The following EFCAB10 variants were observed in gnomAD, a reference collection of about 807,000 sequenced individuals.
EFCAB10 encodes EF-hand calcium binding domain 10.
A neutral mutation model predicts 7.7 loss-of-function variants in EFCAB10; 7 were observed. The ratio of observed to expected loss-of-function variants is 0.91; its 90% CI spans 0.52 to 1.72. EFCAB10 has a LOEUF of 1.72. EFCAB10 is among the 40% of genes most tolerant of loss of function. The probability of loss-of-function intolerance (pLI) is 0.00; values close to 1 mark genes in which losing one functional copy is unlikely to be tolerated. For synonymous variants in EFCAB10, 52 were observed against 21.0 expected (o/e 2.47, Z -4.03); for missense variants, 112 against 61.5 (o/e 1.82, Z -2.74).
chr7:105,578,154 T>C (rs1490169733), intron 1 of EFCAB10, among the ~76,000 whole-genome samples: 1 of 152,218 alleles, frequency 6.6e-6, no homozygotes, highest in East Asian at 1.9e-4. Flanking sequence ...CAGTCCTAGT[T>C]TACCATGTTG....
chr7:105,569,435 G>A lies in EFCAB10; in HGVS notation c.243C>T (p.Gly81=), dbSNP rs1054113141. Residue 81 remains glycine, a synonymous_variant, in exon 2 of 5, where the codon GGC becomes GGT. Coordinates refer to ENST00000480514, the MANE Select transcript of EFCAB10 (RefSeq NM_001355526.2). ...CTTTATACTGCACAAATGATATGGT[G>A]CCTCTGCCTGAGGAGTCCATCATCT... is the stretch of plus-strand genomic sequence containing the variant. ...MFEMMDSSGR[G]TISFVQYKEA... 11 of 702,638 alleles carry A rather than the reference G, an allele frequency of 1.6e-5. No individual in the cohort carries two copies. In the African/African-American group the frequency reaches 1.9e-4, roughly 12 times the overall value. The allele number at this position is 702,638 out of a possible 1,614,324, so 43.5% of individuals were successfully genotyped here. A position where few individuals can be genotyped will look rare whatever the true frequency, so the allele number is the denominator to read the frequency against.
chr7:105,565,215 A>C lies in EFCAB10; in HGVS notation c.*232T>G. 1 of 1,469,324 alleles carries C rather than the reference A, an allele frequency of 6.8e-7. No homozygotes were observed. The highest frequency in any genetic ancestry group is 2.3e-5 in the East Asian group (1 of 43,420). 91.0% of individuals were successfully genotyped at this position (1,469,324 alleles called of 1,614,324 possible). On this transcript the variant is annotated 3_prime_UTR_variant, in exon 5 of 5. Coordinates refer to ENST00000480514, the MANE Select transcript of EFCAB10 (RefSeq NM_001355526.2). ...AGAACACTTCCTCAAATTTAAAATG[A>C]TTTAAAAACTTGAAAAATAGAAACT... is the stretch of plus-strand genomic sequence containing the variant.
intron 1 of EFCAB10, among the ~76,000 whole-genome samples, chr7:105,576,609 A>AT (rs542472891): frequency 1.1e-4 from 17 of 151,910 alleles, no homozygotes; most frequent in East Asian, 3.9e-4. Context: ...TGCTTGGCTC[A>AT]TTTTTTTTGT....
At position 105,565,563 on chromosome 7, in the gene EFCAB10, G is replaced by A. The variant is rs755107934; in HGVS notation, c.*-116C>T. 2.5e-6 allele frequency: 4 copies of A among 1,613,918 alleles called. No homozygotes were observed. Among genetic ancestry groups the A allele is most frequent in the Non-Finnish European group, 3.4e-6 (4 of 1,179,842 alleles). ...TGCTAATCACTTCAATGAAGGAGGA[G>A]CAGCCCAGCTGCAGTTTGATATGAC... On this transcript the variant is annotated intron_variant, in intron 4 of 4. Transcript: ENST00000480514.
intron 1 of EFCAB10, chr7:105,572,157 C>A (rs1791968459): frequency 6.6e-6 from 1 of 152,158 alleles, no homozygotes; most frequent in South Asian, 2.1e-4. Context: ...ATCTCTTGAA[C>A]TTATTCCTCT....
chr7:105,574,685 G>T (rs558689964), intron 1 of EFCAB10, among the ~76,000 whole-genome samples: 9 of 151,874 alleles, frequency 5.9e-5, no homozygotes, highest in African/African-American at 2.2e-4. Flanking sequence ...GGGTTTCACC[G>T]TGTTAGCCAG....
intron 3 of EFCAB10, among the ~76,000 whole-genome samples, chr7:105,568,456 A>T (rs1791849702): frequency 6.6e-6 from 1 of 152,240 alleles, no homozygotes; most frequent in African/African-American, 2.4e-5. Flanking sequence ...TCAGACTAAC[A>T]TGCAGCCTAT....
intron 1 of EFCAB10, chr7:105,572,337 G>C (rs1586287066): frequency 6.6e-6 from 1 of 152,192 alleles, no homozygotes; most frequent in East Asian, 1.9e-4. Context: ...ATGTTTTCTA[G>C]GTTCATCCAT....
At chr7:105,578,573 A>G (rs1215092217) in intron 1 of EFCAB10, among the ~76,000 whole-genome samples, 1 of 152,030 alleles carries the variant, frequency 6.6e-6, no homozygotes, top group African/African-American at 2.4e-5. Flanking sequence ...ATTCCAAGGC[A>G]TATATTTAGG....
chr7:105,576,716 T>C (rs1253186823), intron 1 of EFCAB10, among the ~76,000 whole-genome samples: 1 of 152,064 alleles, frequency 6.6e-6, no homozygotes, highest in Non-Finnish European at 1.5e-5. Flanking sequence ...AGTGCTGGGA[T>C]TACAGGTGTG....
chr7:105,574,492 C>CT (rs113880887), intron 1 of EFCAB10, among the ~76,000 whole-genome samples: 20,019 of 147,282 alleles, frequency 0.14, 1,384 homozygotes, highest in Middle Eastern at 0.19. Context: ...AGGGAAGCTC[C>CT]TTTTTTTTTT....
intron 1 of EFCAB10, among the ~76,000 whole-genome samples, chr7:105,569,778 T>C (rs73192147): frequency 0.082 from 12,466 of 152,068 alleles, 690 homozygotes; most frequent in Middle Eastern, 0.2. Context: ...CTATCTCAGA[T>C]GATAGAATAG....
chr7:105,570,348 T>C lies in EFCAB10; in HGVS notation c.107-777A>G, dbSNP rs184201540. 3.0e-3 allele frequency among the ~76,000 whole-genome samples: 434 copies of C among 144,632 alleles called. 1 individual carries two copies. Among genetic ancestry groups the C allele is most frequent in the Non-Finnish European group, 3.7e-3 (245 of 66,588 alleles). The allele number at this position is 144,632 out of a possible 152,430, so 94.9% of individuals were successfully genotyped here. ...TAAAAACAAAGACTGATAAATATGG[T>C]CCTCCAGGAAGCACATGTACTCATT... On this transcript the variant is annotated intron_variant, in intron 1 of 4. Transcript: ENST00000480514.
chr7:105,578,291 G>A (rs1489814694), intron 1 of EFCAB10, among the ~76,000 whole-genome samples: 1 of 152,158 alleles, frequency 6.6e-6, no homozygotes, highest in African/African-American at 2.4e-5. Context: ...ATAAGTCAGT[G>A]AGGAGCATCA....
In EFCAB10 at chr7:105,581,472, G is replaced by A. The variant is rs1250496150; in HGVS notation, c.-9C>T. On this transcript the variant is annotated 5_prime_UTR_variant, in exon 1 of 5. It adds an upstream start codon to the 5' untranslated region. Transcript: ENST00000480514. ...CTGCTGCTGGTCTCCATCGCTCCGC[G>A]TCCCGCTGTTGCTAGGCGACTGCCT... is the stretch of plus-strand genomic sequence containing the variant. 4.3e-6 allele frequency: 3 copies of A among 702,988 alleles called. No homozygotes were observed. Among genetic ancestry groups the A allele is most frequent in the Admixed American group, 4.0e-5 (2 of 50,002 alleles). The allele number at this position is 702,988 out of a possible 1,614,324, so 43.5% of individuals were successfully genotyped here.
Position 105,565,294 on chromosome 7 carries a change from C to G in EFCAB10, c.*153G>C. The G allele has an allele frequency of 6.3e-7, 1 of 1,596,646 alleles. No individual in the cohort carries two copies. The highest frequency in any genetic ancestry group is 8.6e-7 in the Non-Finnish European group (1 of 1,168,858). The stretch of plus-strand genomic sequence containing the variant: ...TTTTCCAGATGGTTGTCCTTGCCAT[C>G]TCAGTCAGAGCAGGCAGTGATGTCC... On this transcript the variant is annotated 3_prime_UTR_variant, in exon 5 of 5. Transcript: ENST00000480514.
rs2133497355 is a variant in EFCAB10, at chr7:105,567,235, G to C, written c.383+232C>G. The stretch of plus-strand genomic sequence containing the variant: ...GCCACAGCAGCATTAAATGAAGTTG[G>C]AATTTACAAACTGGCTCAACAAGAT... On this transcript the variant is annotated intron_variant, in intron 4 of 4. Coordinates refer to ENST00000480514, the MANE Select transcript of EFCAB10 (RefSeq NM_001355526.2). 1 of 1,613,626 alleles carries C rather than the reference G, an allele frequency of 6.2e-7. No individual in the cohort carries two copies. The highest frequency in any genetic ancestry group is 1.7e-4 in the Middle Eastern group (1 of 6,060).
intron 1 of EFCAB10, among the ~76,000 whole-genome samples, chr7:105,578,217 G>C (rs1354062350): frequency 6.6e-6 from 1 of 152,230 alleles, no homozygotes; most frequent in Admixed American, 6.5e-5. Flanking sequence ...TCCCCGGTTT[G>C]GATGATAACT....
rs748582789 is a variant in EFCAB10, at chr7:105,565,240, T to A, written c.*207A>T. On this transcript the variant is annotated 3_prime_UTR_variant, in exon 5 of 5. Coordinates refer to ENST00000480514, the MANE Select transcript of EFCAB10 (RefSeq NM_001355526.2). ...ATTTAAAAACTTGAAAAATAGAAACTGATGAAAATTTTTTGGTAAAAATGT... is the reference window on the plus strand; with the variant it reads ...ATTTAAAAACTTGAAAAATAGAAACAGATGAAAATTTTTTGGTAAAAATGT... The A allele has an allele frequency of 3.9e-6, 6 of 1,556,966 alleles. No homozygotes were observed. Among genetic ancestry groups the A allele is most frequent in the Non-Finnish European group, 5.2e-6 (6 of 1,148,460 alleles).
Sources: allele counts gnomAD v4.1 joint callset (sites outside exome capture counted in the v4.1 genomes callset), GRCh38; gene constraint gnomAD v4.1.1; transcripts MANE v1.5; gene names NCBI Gene and HGNC (gene_info 2026-07-23, HGNC 2026-07-21).